TPX2: variants seen among roughly 807,000 people sequenced by gnomAD.
The protein encoded by TPX2 is TPX2 microtubule nucleation factor.
A neutral mutation model predicts 93.6 loss-of-function variants in TPX2; 21 were observed. The ratio of observed to expected loss-of-function variants is 0.22; its 90% CI spans 0.16 to 0.32. TPX2 has a LOEUF of 0.32. Ranked by LOEUF, TPX2 falls within the 10% of genes least tolerant of loss-of-function variation. The pLI is 1.00. For synonymous variants in TPX2, 281 were observed against 298.3 expected (o/e 0.94, Z 0.60); for missense variants, 776 against 871.1 (o/e 0.89, Z 1.37).
At chr20:31,740,903 T>C (rs923700642) in intron 1 of TPX2, among the ~76,000 whole-genome samples, 13 of 152,220 alleles carry the variant, frequency 8.5e-5, no homozygotes, top group Admixed American at 3.9e-4. Flanking sequence ...GAAGGCACTA[T>C]CTGAATTGAC....
intron 1 of TPX2, among the ~76,000 whole-genome samples, chr20:31,739,881 T>C (rs1251563235): frequency 6.6e-6 from 1 of 152,166 alleles, no homozygotes; most frequent in East Asian, 1.9e-4. Context: ...ACAGAGGTAG[T>C]CACAAATAAG....
At chr20:31,763,839 G>A (rs1353345049) in intron 4 of TPX2, among the ~76,000 whole-genome samples, 2 of 150,662 alleles carry the variant, frequency 1.3e-5, no homozygotes, top group Non-Finnish European at 3.0e-5. Context: ...CCAATATGGT[G>A]AAACCCTGTC....
chr20:31,784,838 G>A (rs1204190291), intron 12 of TPX2, among the ~76,000 whole-genome samples: 3 of 152,180 alleles, frequency 2.0e-5, no homozygotes, highest in Non-Finnish European at 2.9e-5. Context: ...GCATAAATGC[G>A]AAAGCGGCTT....
At chr20:31,765,560 C>G (rs1196590741) in intron 4 of TPX2, among the ~76,000 whole-genome samples, 1 of 152,138 alleles carries the variant, frequency 6.6e-6, no homozygotes, top group Non-Finnish European at 1.5e-5. Flanking sequence ...ATCTTCCTGC[C>G]TCCGTCTTCC....
At chr20:31,764,545 A>G (rs1405051572) in intron 4 of TPX2, among the ~76,000 whole-genome samples, 3 of 152,150 alleles carry the variant, frequency 2.0e-5, no homozygotes, top group Non-Finnish European at 2.9e-5. Context: ...CCTGATATTA[A>G]TATAGCCACT....
chr20:31,790,928 G>T lies in TPX2; in HGVS notation c.1414-1807G>T, dbSNP rs181563044. Among the ~76,000 whole-genome samples, 62 of 152,330 alleles carry T rather than the reference G, an allele frequency of 4.1e-4. 1 individual carries two copies. The highest frequency in any genetic ancestry group is 7.1e-4 in the Non-Finnish European group (48 of 68,034). On this transcript the variant is annotated intron_variant, in intron 12 of 17. Coordinates refer to ENST00000300403, the MANE Select transcript of TPX2 (RefSeq NM_012112.5). ...GGGGTCAGTTCTGTAGGTCCTGGGAGTGGAGAGATCTATTGAAAGGCTTTA... is the reference window on the plus strand; with the variant it reads ...GGGGTCAGTTCTGTAGGTCCTGGGATTGGAGAGATCTATTGAAAGGCTTTA...
chr20:31,748,559 G>A (rs1287689717), intron 2 of TPX2, among the ~76,000 whole-genome samples: 2 of 152,138 alleles, frequency 1.3e-5, no homozygotes, highest in African/African-American at 4.8e-5. Flanking sequence ...TTTTCATAAA[G>A]GGCAGGATTT....
chr20:31,759,396 G>GTTTTTTTTT (rs35468756), intron 3 of TPX2, among the ~76,000 whole-genome samples: 6 of 100,412 alleles, frequency 6.0e-5, no homozygotes, highest in African/African-American at 8.9e-5. Context: ...GTTTTCTTTC[G>GTTTTTTTTT]TTTTTTTTTT....
intron 5 of TPX2, 127 bp downstream of exon 5, chr20:31,766,809 T>G: frequency 8.9e-7 from 1 of 1,117,814 alleles, no homozygotes; most frequent in Non-Finnish European, 1.2e-6. Flanking sequence ...TTTTTTTTTT[T>G]TTTTTTTGAG....
chr20:31,776,064 T>C, intron 8 of TPX2, 76 bp downstream of exon 8: 1 of 506,066 alleles, frequency 2.0e-6, no homozygotes. Flanking sequence ...TTTTTTTTTT[T>C]TTTTTTTTTT....
chr20:31,781,007 A>G (rs1004210115), intron 10 of TPX2: 2 of 367,484 alleles, frequency 5.4e-6, no homozygotes, highest in African/African-American at 2.2e-5. Context: ...TCAGTGTCCA[A>G]CTCCTGGGCT....
At chr20:31,749,256 T>G (rs2122956862) in intron 2 of TPX2, among the ~76,000 whole-genome samples, 1 of 152,296 alleles carries the variant, frequency 6.6e-6, no homozygotes, top group African/African-American at 2.4e-5. Flanking sequence ...TAAATGTCTA[T>G]TTTTAAATAA....
intron 15 of TPX2, among the ~76,000 whole-genome samples, chr20:31,795,363 A>G (rs13041425): frequency 0.082 from 12,514 of 152,218 alleles, 664 homozygotes; most frequent in Middle Eastern, 0.15. Flanking sequence ...CAAACTCCTG[A>G]TCTCAAGTGA....
At chr20:31,742,023 C>T (rs1350702542) in intron 1 of TPX2, among the ~76,000 whole-genome samples, 3 of 152,056 alleles carry the variant, frequency 2.0e-5, no homozygotes, top group Admixed American at 6.6e-5. Context: ...TAGATAACTG[C>T]GGAGGGCTTC....
Position 31,801,102 on chromosome 20 carries a change from A to G in TPX2, c.*22A>G. 1 of 1,607,396 alleles carries G rather than the reference A, an allele frequency of 6.2e-7. No homozygotes were observed. The highest frequency in any genetic ancestry group is 8.5e-7 in the Non-Finnish European group (1 of 1,173,922). ...CTAAACTCAGCTGTGAGCTGCGGAT[A>G]CCGCCCGGCAATGGGACCTGCTCTT... is the stretch of plus-strand genomic sequence containing the variant. On this transcript the variant is annotated 3_prime_UTR_variant, in exon 18 of 18. Coordinates refer to ENST00000300403, the MANE Select transcript of TPX2 (RefSeq NM_012112.5).
chr20:31,762,373 AG>A (rs2061895364), intron 4 of TPX2, among the ~76,000 whole-genome samples: 1 of 152,122 alleles, frequency 6.6e-6, no homozygotes, highest in African/African-American at 2.4e-5. Flanking sequence ...TTTTTGAGAC[AG>A]AGTCTCACTC....
intron 15 of TPX2, among the ~76,000 whole-genome samples, chr20:31,796,337 C>T (rs1440674634): frequency 6.6e-6 from 1 of 152,164 alleles, no homozygotes; most frequent in East Asian, 1.9e-4. Context: ...AAAAATACTT[C>T]AGTGTATATA....
chr20:31,801,084 CAGCTGTG>C lies in TPX2; in HGVS notation c.*10_*16del. 1 of 1,612,764 alleles carries C rather than the reference CAGCTGTG, an allele frequency of 6.2e-7. No individual in the cohort carries two copies. The highest frequency in any genetic ancestry group is 8.5e-7 in the Non-Finnish European group (1 of 1,178,782). ...CTCCACTCGATTCCACTGCTAAACT[CAGCTGTG>C]AGCTGCGGATACCGCCCGGCAATGG... On this transcript the variant is annotated 3_prime_UTR_variant, in exon 18 of 18. Coordinates refer to ENST00000300403, the MANE Select transcript of TPX2 (RefSeq NM_012112.5).
At chr20:31,747,699 T>C (rs2061792638) in intron 2 of TPX2, among the ~76,000 whole-genome samples, 1 of 152,158 alleles carries the variant, frequency 6.6e-6, no homozygotes, top group African/African-American at 2.4e-5. Flanking sequence ...TCAGATAATT[T>C]TGAAATGTGA....
Sources: allele counts gnomAD v4.1 joint callset (sites outside exome capture counted in the v4.1 genomes callset), GRCh38; gene constraint gnomAD v4.1.1; transcripts MANE v1.5; gene names NCBI Gene and HGNC (gene_info 2026-07-23, HGNC 2026-07-21).